MAGI1: variants seen among roughly 807,000 people sequenced by gnomAD.
The protein encoded by MAGI1 is membrane-associated guanylate kinase, WW and PDZ domain-containing protein 1.
A neutral mutation model predicts 139.9 loss-of-function variants in MAGI1; 58 were observed. The observed-to-expected ratio is 0.41, with a 90% CI of 0.34 to 0.52. The LOEUF (loss-of-function observed/expected upper bound fraction) is 0.52. MAGI1 is among the 20% of genes least tolerant of loss of function. The pLI is 0.12. For missense variants in MAGI1, 1,874 were observed against 1,901.6 expected (o/e 0.99, Z 0.27); for synonymous variants, 812 against 737.9 (o/e 1.10, Z -1.63).
chr3:65,976,850 C>T lies in MAGI1; in HGVS notation c.313+61146G>A, dbSNP rs78234731. 7.7e-3 allele frequency among the ~76,000 whole-genome samples: 1,174 copies of T among 152,244 alleles called. 44 individuals carry two copies. The East Asian group carries it at 0.11, about 14-fold the overall frequency. On this transcript the variant is annotated intron_variant, in intron 1 of 22. Transcript: ENST00000402939. ...TCGTAAATTAGCAGAAGCTTTATTACCTGCCCTAATTCAAATTACATGCTT... is the reference window on the plus strand; with the variant it reads ...TCGTAAATTAGCAGAAGCTTTATTATCTGCCCTAATTCAAATTACATGCTT...
chr3:65,650,390 G>A (rs926405758), intron 1 of MAGI1, among the ~76,000 whole-genome samples: 1 of 152,168 alleles, frequency 6.6e-6, no homozygotes, highest in Non-Finnish European at 1.5e-5. Context: ...GTGCACACGT[G>A]TTTTTAGGAT....
At chr3:65,805,817 C>T (rs1293750303) in intron 1 of MAGI1, among the ~76,000 whole-genome samples, 1 of 152,118 alleles carries the variant, frequency 6.6e-6, no homozygotes, top group African/African-American at 2.4e-5. Context: ...AGCCATCATC[C>T]TCAGCAAAGT....
chr3:65,992,093 G>A (rs1396174702), intron 1 of MAGI1, among the ~76,000 whole-genome samples: 1 of 152,156 alleles, frequency 6.6e-6, no homozygotes, highest in African/African-American at 2.4e-5. Context: ...GGCATGGAAG[G>A]GTTTGGGTGC....
At chr3:65,602,751 A>G (rs1396561537) in intron 2 of MAGI1, among the ~76,000 whole-genome samples, 1 of 152,104 alleles carries the variant, frequency 6.6e-6, no homozygotes, top group Non-Finnish European at 1.5e-5. Flanking sequence ...AAATTAAGGT[A>G]GAAATTTATA....
At chr3:65,756,659 T>C (rs1559852437) in intron 1 of MAGI1, among the ~76,000 whole-genome samples, 2 of 152,200 alleles carry the variant, frequency 1.3e-5, no homozygotes, top group Non-Finnish European at 2.9e-5. Context: ...AAGTGCATTA[T>C]GGTGCCACAG....
intron 1 of MAGI1, among the ~76,000 whole-genome samples, chr3:65,963,853 G>C (rs755702464): frequency 1.2e-4 from 19 of 152,196 alleles, no homozygotes; most frequent in Non-Finnish European, 4.4e-5. Flanking sequence ...GCCAGGGATA[G>C]AGTGGTACTT....
At chr3:65,991,233 G>A (rs1456707033) in intron 1 of MAGI1, among the ~76,000 whole-genome samples, 1 of 132,784 alleles carries the variant, frequency 7.5e-6, no homozygotes, top group Non-Finnish European at 1.5e-5. Context: ...CGGTTGCAAT[G>A]AGCTGAGATC....
intron 2 of MAGI1, among the ~76,000 whole-genome samples, chr3:65,583,598 G>T (rs2081538791): frequency 6.6e-6 from 1 of 151,778 alleles, no homozygotes; most frequent in South Asian, 2.1e-4. Flanking sequence ...ACTACCAAAA[G>T]ATAAACTGAA....
intron 18 of MAGI1, among the ~76,000 whole-genome samples, chr3:65,372,149 G>A (rs571308056): frequency 7.2e-5 from 11 of 152,144 alleles, no homozygotes; most frequent in Non-Finnish European, 1.3e-4. Flanking sequence ...GGCAGGTATA[G>A]CCTTACAAAA....
intron 1 of MAGI1, among the ~76,000 whole-genome samples, chr3:66,021,026 C>T (rs17074325): frequency 0.094 from 14,294 of 152,222 alleles, 820 homozygotes; most frequent in Middle Eastern, 0.18. Context: ...ATCAACCCAA[C>T]GTATCACTCC....
At chr3:65,812,029 C>T (rs906221829) in intron 1 of MAGI1, among the ~76,000 whole-genome samples, 1 of 151,944 alleles carries the variant, frequency 6.6e-6, no homozygotes, top group Non-Finnish European at 1.5e-5. Context: ...CCCACAAAAA[C>T]TCGGCGGGAG....
At chr3:65,835,262 AT>A (rs2042743536) in intron 1 of MAGI1, among the ~76,000 whole-genome samples, 2 of 152,056 alleles carry the variant, frequency 1.3e-5, no homozygotes, top group South Asian at 4.1e-4. Flanking sequence ...TATAATATTT[AT>A]TTTACTGTCA....
intron 1 of MAGI1, among the ~76,000 whole-genome samples, chr3:65,725,498 G>C (rs1354078292): frequency 2.6e-5 from 4 of 152,206 alleles, no homozygotes; most frequent in Non-Finnish European, 4.4e-5. Flanking sequence ...ACAATTATCA[G>C]ACAGTCTTCC....
intron 1 of MAGI1, among the ~76,000 whole-genome samples, chr3:65,939,076 TAAAGAA>T (rs1025440684): frequency 2.6e-5 from 4 of 152,150 alleles, no homozygotes; most frequent in Non-Finnish European, 5.9e-5. Flanking sequence ...ATTATATTGC[TAAAGAA>T]AAAGAAAAAC....
chr3:65,969,820 T>G lies in MAGI1; in HGVS notation c.313+68176A>C, dbSNP rs145355897. On this transcript the variant is annotated intron_variant, in intron 1 of 22. Coordinates refer to ENST00000402939, the MANE Select transcript of MAGI1 (RefSeq NM_001033057.2). ...TTATCGAAGAACTGCATTTTAAAAT[T>G]TTTTATTTGACTTTCATTAATTAAA... Among the ~76,000 whole-genome samples, 547 of 152,304 alleles carry G rather than the reference T, an allele frequency of 3.6e-3. 1 individual carries two copies. The highest frequency in any genetic ancestry group is 6.1e-3 in the Non-Finnish European group (417 of 68,024).
At chr3:66,020,009 G>A (rs1166024760) in intron 1 of MAGI1, among the ~76,000 whole-genome samples, 1 of 152,182 alleles carries the variant, frequency 6.6e-6, no homozygotes. Flanking sequence ...GCACCAATTT[G>A]CATAAGCATC....
At chr3:65,960,586 G>A (rs1430141069) in intron 1 of MAGI1, among the ~76,000 whole-genome samples, 1 of 152,206 alleles carries the variant, frequency 6.6e-6, no homozygotes, top group African/African-American at 2.4e-5. Context: ...GGACACTGAA[G>A]AGGGGAAAAA....
At chr3:65,929,182 T>C (rs1197276321) in intron 1 of MAGI1, among the ~76,000 whole-genome samples, 1 of 151,882 alleles carries the variant, frequency 6.6e-6, no homozygotes, top group East Asian at 1.9e-4. Flanking sequence ...AAAAAACCTG[T>C]GACAATGAAC....
chr3:65,577,586 A>T (rs1411797404), intron 2 of MAGI1, among the ~76,000 whole-genome samples: 1 of 152,190 alleles, frequency 6.6e-6, no homozygotes, highest in Admixed American at 6.5e-5. Context: ...ACAGTCCTTG[A>T]AGAATCCCTT....
Sources: allele counts gnomAD v4.1 joint callset (sites outside exome capture counted in the v4.1 genomes callset), GRCh38; gene constraint gnomAD v4.1.1; transcripts MANE v1.5; gene names NCBI Gene and HGNC (gene_info 2026-07-23, HGNC 2026-07-21).